Variants in GALNT14 observed in about 807,000 individuals in gnomAD.
The protein encoded by GALNT14 is polypeptide N-acetylgalactosaminyltransferase 14.
Under a neutral mutation model 77.5 loss-of-function variants are expected in GALNT14, and 60 were observed. That is an observed-to-expected ratio of 0.77 (90% CI 0.63 to 0.96). The LOEUF (loss-of-function observed/expected upper bound fraction) is 0.96. Among genes scored for constraint, GALNT14 ranks in the 40% least tolerant of loss-of-function variants. The pLI, the probability that GALNT14 is intolerant of heterozygous loss-of-function variation, is 0.00. For synonymous variants in GALNT14, 280 were observed against 281.7 expected (o/e 0.99, Z 0.06); for missense variants, 710 against 731.0 (o/e 0.97, Z 0.33).
intron 6 of GALNT14, among the ~76,000 whole-genome samples, chr2:30,950,405 C>T (rs1455196307): frequency 6.6e-6 from 1 of 152,116 alleles, no homozygotes; most frequent in Non-Finnish European, 1.5e-5. Context: ...ACAGCTGAAG[C>T]CCAGTCTCTT....
intron 1 of GALNT14, among the ~76,000 whole-genome samples, chr2:31,067,781 G>C (rs903949657): frequency 6.6e-6 from 1 of 152,180 alleles, no homozygotes; most frequent in Non-Finnish European, 1.5e-5. Flanking sequence ...AAATGGGCAT[G>C]TCTCACCCCA....
At chr2:30,945,153 A>G (rs61192561) in intron 7 of GALNT14, among the ~76,000 whole-genome samples, 4,195 of 151,776 alleles carry the variant, frequency 0.028, 196 homozygotes, top group African/African-American at 0.094. Flanking sequence ...ACCCACTACC[A>G]CCTCTCTGAG....
rs112330372 is a variant in GALNT14, at chr2:30,940,703, C to T, written c.931+1498G>A. Among the ~76,000 whole-genome samples the T allele has an allele frequency of 7.7e-4, 118 of 152,316 alleles. 1 individual carries two copies. Among genetic ancestry groups the T allele is most frequent in the African/African-American group, 2.7e-3 (114 of 41,568 alleles). Reference sequence around the variant, plus strand: ...GCTCCACCCCATAAGAGAGAAGTCCCTACCCCACTGAGAACACCAAAGGTC... The same window carrying T: ...GCTCCACCCCATAAGAGAGAAGTCCTTACCCCACTGAGAACACCAAAGGTC... On this transcript the variant is annotated intron_variant, in intron 9 of 14. Coordinates refer to ENST00000349752, the MANE Select transcript of GALNT14 (RefSeq NM_024572.4).
chr2:31,111,600 A>AG (rs1171968967), intron 1 of GALNT14, among the ~76,000 whole-genome samples: 1 of 152,082 alleles, frequency 6.6e-6, no homozygotes, highest in Non-Finnish European at 1.5e-5. Context: ...ACAAATTGCA[A>AG]AAAAAGCTCA....
chr2:30,961,199 C>T (rs1017872816), intron 3 of GALNT14, among the ~76,000 whole-genome samples: 5 of 152,220 alleles, frequency 3.3e-5, no homozygotes, highest in African/African-American at 7.2e-5. Context: ...TAAAAGCAGG[C>T]GATATTAATA....
chr2:30,912,416 C>G (rs565123313), intron 13 of GALNT14, 74 bp from the exon 14 acceptor site: 20 of 1,548,048 alleles, frequency 1.3e-5, no homozygotes, highest in Non-Finnish European at 1.8e-5. Context: ...ACCACACTTA[C>G]GGGTGTGATT....
chr2:31,065,759 A>G (rs1244677515), intron 1 of GALNT14, among the ~76,000 whole-genome samples: 2 of 152,174 alleles, frequency 1.3e-5, no homozygotes, highest in East Asian at 1.9e-4. Flanking sequence ...GAGATAGACC[A>G]TAACTAACCC....
chr2:31,028,072 T>C (rs1391769326), intron 1 of GALNT14, among the ~76,000 whole-genome samples: 2 of 152,198 alleles, frequency 1.3e-5, no homozygotes, highest in African/African-American at 4.8e-5. Flanking sequence ...CCATCTTTAA[T>C]GCTAAATATC....
intron 1 of GALNT14, among the ~76,000 whole-genome samples, chr2:31,016,236 GT>G (rs767270160): frequency 6.6e-6 from 1 of 152,066 alleles, no homozygotes; most frequent in Admixed American, 6.5e-5. Flanking sequence ...TCCTCATGTG[GT>G]TTTTTCTCTG....
chr2:31,028,551 T>C (rs4952030), intron 1 of GALNT14, among the ~76,000 whole-genome samples: 71,406 of 152,108 alleles, frequency 0.47, 17,335 homozygotes, highest in African/African-American at 0.6. Context: ...CCCTTCCCCA[T>C]GGGGTGCTCC....
chr2:31,074,241 C>G (rs1271233900), intron 1 of GALNT14, among the ~76,000 whole-genome samples: 1 of 152,088 alleles, frequency 6.6e-6, no homozygotes, highest in East Asian at 1.9e-4. Context: ...CTGATGGGTC[C>G]CACTCTGAGC....
chr2:31,098,915 A>G (rs2194467), intron 1 of GALNT14, among the ~76,000 whole-genome samples: 91,578 of 151,884 alleles, frequency 0.6, 28,962 homozygotes, highest in African/African-American at 0.79. Flanking sequence ...CATCATCAAG[A>G]TCTTCATCCT....
intron 1 of GALNT14, among the ~76,000 whole-genome samples, chr2:31,038,095 T>TATATATATATATATAA (rs1558514701): frequency 4.7e-5 from 4 of 84,890 alleles, no homozygotes; most frequent in Non-Finnish European, 6.8e-5. Context: ...TTTTTTTTTT[T>TATATATATATATATAA]TTTTTTTTTT....
At chr2:31,034,602 T>C (rs576395372) in intron 1 of GALNT14, among the ~76,000 whole-genome samples, 1 of 152,304 alleles carries the variant, frequency 6.6e-6, no homozygotes, top group East Asian at 1.9e-4. Context: ...CTCTAATCTT[T>C]ATTAATTTTC....
chr2:30,910,833 C>A lies in GALNT14; in HGVS notation c.*68G>T. 6.5e-7 allele frequency: 1 copy of A among 1,544,286 alleles called. No homozygotes were observed. Among genetic ancestry groups the A allele is most frequent in the Non-Finnish European group, 8.8e-7 (1 of 1,140,790 alleles). On this transcript the variant is annotated 3_prime_UTR_variant, in exon 15 of 15. Transcript: ENST00000349752. ...AGGTGGTTGCAGGCTGCTTGCTGCC[C>A]AGTTTCCAGTCTGTTCTGGTCCAGG... is the stretch of plus-strand genomic sequence containing the variant.
intron 1 of GALNT14, among the ~76,000 whole-genome samples, chr2:31,136,526 G>A (rs1311237237): frequency 1.3e-5 from 2 of 152,118 alleles, no homozygotes; most frequent in Non-Finnish European, 2.9e-5. Context: ...AATGATGAGT[G>A]AACTCCTCTC....
intron 2 of GALNT14, among the ~76,000 whole-genome samples, chr2:30,983,431 T>C (rs79701973): frequency 2.4e-4 from 37 of 152,336 alleles, no homozygotes; most frequent in African/African-American, 8.2e-4. Context: ...ATCCTGGGCA[T>C]TGAAAATGTC....
chr2:30,964,481 C>T (rs1168367750), intron 3 of GALNT14, among the ~76,000 whole-genome samples: 3 of 152,220 alleles, frequency 2.0e-5, no homozygotes, highest in Admixed American at 6.5e-5. Flanking sequence ...GCTTTGTTAT[C>T]GTTAATCTAC....
chr2:30,942,717 C>G (rs558854104), intron 8 of GALNT14, among the ~76,000 whole-genome samples: 1 of 152,146 alleles, frequency 6.6e-6, no homozygotes, highest in African/African-American at 2.4e-5. Flanking sequence ...AGTGGGCTAC[C>G]GACCACGCAG....
Sources: gnomAD v4.1 joint callset for allele counts (sites outside exome capture counted in the v4.1 genomes callset) on GRCh38, gnomAD v4.1.1 for gene constraint, MANE v1.5 for transcripts, NCBI Gene and HGNC (gene_info 2026-07-23, HGNC 2026-07-21) for gene names.